Variants in CAMKMT observed in about 807,000 individuals in gnomAD.
CAMKMT encodes the protein calmodulin-lysine N-methyltransferase.
Under a neutral mutation model 48.0 loss-of-function variants are expected in CAMKMT, and 53 were observed. The ratio of observed to expected loss-of-function variants is 1.10; its 90% CI spans 0.89 to 1.39. The LOEUF (loss-of-function observed/expected upper bound fraction) is 1.39. Among genes scored for constraint, CAMKMT ranks in the 40% most tolerant of loss-of-function variants. The pLI is 0.00. For missense variants in CAMKMT, 428 were observed against 402.7 expected (o/e 1.06, Z -0.54); for synonymous variants, 165 against 152.3 (o/e 1.08, Z -0.61).
At chr2:44,437,857 A>AAAG (rs1312143175) in intron 3 of CAMKMT, among the ~76,000 whole-genome samples, 1 of 151,260 alleles carries the variant, frequency 6.6e-6, no homozygotes, top group African/African-American at 2.4e-5. Context: ...AAAAAAAAAA[A>AAAG]TGATCAAACA....
chr2:44,487,876 G>A (rs1372585427), intron 3 of CAMKMT, among the ~76,000 whole-genome samples: 1 of 152,244 alleles, frequency 6.6e-6, no homozygotes. Context: ...AAGTAATTCT[G>A]CTTCAAGCAG....
chr2:44,488,957 G>A (rs111940038), intron 3 of CAMKMT, among the ~76,000 whole-genome samples: 2 of 151,424 alleles, frequency 1.3e-5, no homozygotes, highest in African/African-American at 4.9e-5. Context: ...CCTTGAACTC[G>A]TGGGCTCAAG....
chr2:44,534,665 C>A (rs562875660), intron 3 of CAMKMT, among the ~76,000 whole-genome samples: 6 of 152,020 alleles, frequency 3.9e-5, no homozygotes, highest in East Asian at 1.9e-4. Context: ...ACATGAAAAT[C>A]AAAAAATATC....
intron 8 of CAMKMT, among the ~76,000 whole-genome samples, chr2:44,745,254 A>T (rs985151060): frequency 2.0e-5 from 3 of 152,170 alleles, no homozygotes; most frequent in African/African-American, 7.2e-5. Context: ...TTTAGAGTTA[A>T]ATTTGTCCCT....
At chr2:44,386,125 T>G (rs1313927059) in intron 2 of CAMKMT, among the ~76,000 whole-genome samples, 2 of 152,046 alleles carry the variant, frequency 1.3e-5, no homozygotes, top group Non-Finnish European at 2.9e-5. Context: ...TTGTTGGTAA[T>G]TTTAAAATTA....
At chr2:44,456,547 A>G (rs1667572365) in intron 3 of CAMKMT, 1 of 1,549,628 alleles carries the variant, frequency 6.5e-7, no homozygotes, top group Non-Finnish European at 8.7e-7. Context: ...TTTTCTATAC[A>G]TGTCATCCTT....
chr2:44,531,983 A>T (rs1324526984), intron 3 of CAMKMT, among the ~76,000 whole-genome samples: 1 of 152,194 alleles, frequency 6.6e-6, no homozygotes, highest in East Asian at 1.9e-4. Flanking sequence ...GTTAAAACAA[A>T]TATTATATCC....
chr2:44,454,141 A>C (rs1373027490), intron 3 of CAMKMT, among the ~76,000 whole-genome samples: 1 of 152,160 alleles, frequency 6.6e-6, no homozygotes, highest in African/African-American at 2.4e-5. Flanking sequence ...TAAAACATAT[A>C]TTTTTAACTC....
At chr2:44,763,750 AC>A (rs993638958) in intron 9 of CAMKMT, among the ~76,000 whole-genome samples, 49 of 152,208 alleles carry the variant, frequency 3.2e-4, no homozygotes, top group African/African-American at 1.1e-3. Flanking sequence ...GAGTGCTGTC[AC>A]ATGCTTAGCT....
intron 3 of CAMKMT, among the ~76,000 whole-genome samples, chr2:44,480,800 A>G (rs1272127713): frequency 1.3e-5 from 2 of 152,086 alleles, no homozygotes; most frequent in African/African-American, 4.8e-5. Context: ...TTTGAACCAT[A>G]TTTTTGGAAC....
intron 2 of CAMKMT, among the ~76,000 whole-genome samples, chr2:44,374,048 C>T (rs994405569): frequency 3.5e-5 from 5 of 142,854 alleles, no homozygotes; most frequent in East Asian, 2.1e-4. Context: ...TGATTGAGCC[C>T]GGGAGGTTGA....
chr2:44,409,185 A>G (rs1683018200), intron 3 of CAMKMT, among the ~76,000 whole-genome samples: 2 of 53,124 alleles, frequency 3.8e-5, no homozygotes, highest in South Asian at 7.1e-4. Context: ...ATATATATGT[A>G]TATTGCTACA....
At chr2:44,369,796 T>C (rs1678974034) in intron 1 of CAMKMT, 1 of 152,154 alleles carries the variant, frequency 6.6e-6, no homozygotes, top group African/African-American at 2.4e-5. Context: ...CACTGGAACC[T>C]CTGTTAAAGC....
At chr2:44,683,274 T>C (rs343974) in intron 3 of CAMKMT, among the ~76,000 whole-genome samples, 82,336 of 151,892 alleles carry the variant, frequency 0.54, 23,350 homozygotes, top group African/African-American at 0.65. Flanking sequence ...GGGATGAGTA[T>C]GATTCATTTC....
chr2:44,524,145 C>G (rs916714960), intron 3 of CAMKMT, among the ~76,000 whole-genome samples: 1 of 152,140 alleles, frequency 6.6e-6, no homozygotes, highest in Admixed American at 6.5e-5. Flanking sequence ...CCTCAGAAGT[C>G]ACAGAGCATC....
At chr2:44,385,525 T>C (rs915142619) in intron 2 of CAMKMT, among the ~76,000 whole-genome samples, 7 of 151,600 alleles carry the variant, frequency 4.6e-5, no homozygotes, top group African/African-American at 1.7e-4. Flanking sequence ...AGAGCAGTGG[T>C]GAGAGTGGGC....
chr2:44,755,133 C>T (rs1350322720), intron 9 of CAMKMT, among the ~76,000 whole-genome samples: 1 of 152,154 alleles, frequency 6.6e-6, no homozygotes, highest in Non-Finnish European at 1.5e-5. Flanking sequence ...TACACTGTTG[C>T]TTTTTATTTT....
At chr2:44,738,496 GAAACCTCTATTTCT>G (rs1291582244) in intron 7 of CAMKMT, among the ~76,000 whole-genome samples, 3 of 152,204 alleles carry the variant, frequency 2.0e-5, no homozygotes, top group African/African-American at 7.2e-5. Flanking sequence ...TTTAACAATA[GAAACCTCTATTTCT>G]TGAGGGCCTT....
At chr2:44,586,906 G>A (rs554059658) in intron 3 of CAMKMT, among the ~76,000 whole-genome samples, 1 of 152,304 alleles carries the variant, frequency 6.6e-6, no homozygotes, top group East Asian at 1.9e-4. Flanking sequence ...CAGAGGGGTG[G>A]TTCTATTTTA....
Sources: allele counts gnomAD v4.1 joint callset (sites outside exome capture counted in the v4.1 genomes callset), GRCh38; gene constraint gnomAD v4.1.1; transcripts MANE v1.5; gene names NCBI Gene and HGNC (gene_info 2026-07-23, HGNC 2026-07-21).